The following HECW2 variants were observed in gnomAD, a reference collection of about 807,000 sequenced individuals.
The protein encoded by HECW2 is E3 ubiquitin-protein ligase HECW2.
HECW2 carries 61 observed loss-of-function variants against 175.2 expected under a neutral mutation model. The ratio of observed to expected loss-of-function variants is 0.35; its 90% CI spans 0.28 to 0.43. HECW2 has a LOEUF of 0.43. Among genes scored for constraint, HECW2 ranks in the 20% least tolerant of loss-of-function variants. The pLI is 1.00. For synonymous variants in HECW2, 671 were observed against 731.0 expected, an observed-to-expected ratio of 0.92 and a Z score of 1.32; for missense variants, 1,524 against 2,000.5, an observed-to-expected ratio of 0.76 and a Z score of 4.54.
At chr2:196,549,173 T>C (rs1575662146) in intron 1 of HECW2, among the ~76,000 whole-genome samples, 1 of 152,172 alleles carries the variant, frequency 6.6e-6, no homozygotes, top group Admixed American at 6.5e-5. Context: ...TGGAAAATGC[T>C]AAGACATCAA....
rs536941942 is a variant in HECW2 at position 196,391,945 on chromosome 2, T to C, written c.292+41187A>G. Among the ~76,000 whole-genome samples, 4 of 152,298 alleles carry C rather than the reference T, an allele frequency of 2.6e-5. No homozygotes were observed. In the East Asian group the frequency reaches 7.7e-4, roughly 29 times the overall value. ...TGGTCTTCTCTGTGTCTTTCTCTTA[T>C]CCTGTCCTCTTCTTTTAAGGACAAC... On this transcript the variant is annotated intron_variant, in intron 2 of 28. Transcript: ENST00000644978.
At chr2:196,574,513 T>C (rs565545695) in intron 1 of HECW2, among the ~76,000 whole-genome samples, 3 of 151,378 alleles carry the variant, frequency 2.0e-5, no homozygotes, top group Admixed American at 2.0e-4. Context: ...AATTACAAAA[T>C]ATCAATGAAG....
At chr2:196,462,601 C>T (rs141469093) in intron 1 of HECW2, among the ~76,000 whole-genome samples, 2 of 152,246 alleles carry the variant, frequency 1.3e-5, no homozygotes, top group Admixed American at 1.3e-4. Context: ...TTTAAGCCCA[C>T]TTATTTACAA....
chr2:196,278,133 A>AAAAAAAAAAAT (rs531920307), intron 15 of HECW2, among the ~76,000 whole-genome samples: 1 of 66,552 alleles, frequency 1.5e-5, no homozygotes, highest in Non-Finnish European at 3.3e-5. Context: ...ATAATTAAAA[A>AAAAAAAAAAAT]ATATATATAT....
chr2:196,249,871 T>G (rs1240133354), intron 19 of HECW2, among the ~76,000 whole-genome samples: 1 of 152,188 alleles, frequency 6.6e-6, no homozygotes, highest in African/African-American at 2.4e-5. Context: ...CCACAAACAC[T>G]GCTAGCAATT....
intron 2 of HECW2, among the ~76,000 whole-genome samples, chr2:196,400,661 T>A: frequency 6.6e-6 from 1 of 152,114 alleles, no homozygotes; most frequent in East Asian, 1.9e-4. Context: ...CTGGTTTACT[T>A]GAAAATCATG....
chr2:196,286,400 A>G (rs1575358921), intron 14 of HECW2, among the ~76,000 whole-genome samples: 1 of 151,428 alleles, frequency 6.6e-6, no homozygotes, highest in Admixed American at 6.6e-5. Context: ...ATATATATAT[A>G]TTTAAATCCA....
At position 196,345,377 on chromosome 2, in the gene HECW2, C is replaced by T. The variant is rs1692917954; in HGVS notation, c.293-1613G>A. Among the ~76,000 whole-genome samples, 3 of 152,212 alleles carry T rather than the reference C, an allele frequency of 2.0e-5. No homozygotes were observed. In the South Asian group the frequency reaches 6.2e-4, roughly 32 times the overall value. On this transcript the variant is annotated intron_variant, in intron 2 of 28. Coordinates refer to ENST00000644978, the MANE Select transcript of HECW2 (RefSeq NM_001348768.2). ...ATGTGCCCTGTTAAAAATACCTCTC[C>T]AAAATCCCATCCAGCTAATGGTGAC... is the stretch of plus-strand genomic sequence containing the variant.
In HECW2 at chr2:196,562,124, G is replaced by A. The variant is rs73053009; in HGVS notation, c.-36+31384C>T. Among the ~76,000 whole-genome samples the A allele has an allele frequency of 2.8e-3, 425 of 152,264 alleles. 1 individual carries two copies. The highest frequency in any genetic ancestry group is 9.9e-3 in the African/African-American group (411 of 41,554). Reference sequence around the variant, plus strand: ...AGACATGCAGCCTAAATAATGATACGCTGAATAGATTTGCAGGTGGTTAAG... The same window carrying A: ...AGACATGCAGCCTAAATAATGATACACTGAATAGATTTGCAGGTGGTTAAG... On this transcript the variant is annotated intron_variant, in intron 1 of 28. Transcript: ENST00000644978.
intron 4 of HECW2, 64 bp downstream of exon 4, chr2:196,334,360 G>A: frequency 7.9e-7 from 1 of 1,263,060 alleles, no homozygotes; most frequent in Non-Finnish European, 1.1e-6. Flanking sequence ...GGCCGCACAG[G>A]TAAAAATAGA....
intron 1 of HECW2, among the ~76,000 whole-genome samples, chr2:196,453,064 A>G (rs1696396901): frequency 6.6e-6 from 1 of 152,182 alleles, no homozygotes; most frequent in Admixed American, 6.5e-5. Flanking sequence ...GAATATGTTT[A>G]GGCAACTCAG....
intron 17 of HECW2, chr2:196,260,023 C>T (rs369194587): frequency 6.6e-6 from 1 of 152,182 alleles, no homozygotes; most frequent in East Asian, 1.9e-4. Flanking sequence ...TGGAGCTACA[C>T]AGAAGGAGTT....
At chr2:196,524,842 T>C (rs1397929214) in intron 1 of HECW2, among the ~76,000 whole-genome samples, 1 of 117,568 alleles carries the variant, frequency 8.5e-6, no homozygotes, top group South Asian at 2.7e-4. Flanking sequence ...GTCTGAGAGA[T>C]AGTTTGTTAT....
At chr2:196,326,608 G>A (rs191643006) in intron 5 of HECW2, among the ~76,000 whole-genome samples, 19 of 151,830 alleles carry the variant, frequency 1.3e-4, no homozygotes, top group Admixed American at 1.1e-3. Context: ...CACACCCAGC[G>A]AATTTTTGTA....
chr2:196,545,469 T>C (rs1379430928), intron 1 of HECW2, among the ~76,000 whole-genome samples: 1 of 152,112 alleles, frequency 6.6e-6, no homozygotes, highest in African/African-American at 2.4e-5. Flanking sequence ...AAACAAAAAG[T>C]CCTGATTAAT....
intron 1 of HECW2, among the ~76,000 whole-genome samples, chr2:196,565,638 A>G (rs948739616): frequency 3.3e-5 from 5 of 152,208 alleles, no homozygotes; most frequent in Admixed American, 6.5e-5. Flanking sequence ...CTTCTTGACC[A>G]AAAACTGAGT....
rs150258462 is a variant in HECW2 at position 196,465,677 on chromosome 2, C to G, written c.-35-32219G>C. On this transcript the variant is annotated intron_variant, in intron 1 of 28. Transcript: ENST00000644978. ...TGTGCTTATATTAAGTTTAAATAAA[C>G]TCATGTTTCCTAACTGTGCCATGCA... 2.1e-3 allele frequency among the ~76,000 whole-genome samples: 309 copies of G among 150,686 alleles called. 1 individual carries two copies. Among genetic ancestry groups the G allele is most frequent in the African/African-American group, 7.1e-3 (294 of 41,368 alleles).
chr2:196,280,371 C>T (rs1690140677), intron 14 of HECW2, among the ~76,000 whole-genome samples: 1 of 152,110 alleles, frequency 6.6e-6, no homozygotes, highest in Non-Finnish European at 1.5e-5. Flanking sequence ...ACCTATTTTC[C>T]CATTATGGAA....
At chr2:196,380,144 C>A (rs1452916013) in intron 2 of HECW2, among the ~76,000 whole-genome samples, 1 of 152,140 alleles carries the variant, frequency 6.6e-6, no homozygotes, top group Admixed American at 6.5e-5. Flanking sequence ...TAAGTCCCTG[C>A]TCAGTTCACT....
Sources: allele counts gnomAD v4.1 joint callset (sites outside exome capture counted in the v4.1 genomes callset), GRCh38; gene constraint gnomAD v4.1.1; transcripts MANE v1.5; gene names NCBI Gene and HGNC (gene_info 2026-07-23, HGNC 2026-07-21).